The following MED13L variants were observed in gnomAD, a reference collection of about 807,000 sequenced individuals.
MED13L encodes mediator of RNA polymerase II transcription subunit 13-like.
MED13L carries 7 observed loss-of-function variants against 220.9 expected under a neutral mutation model. The observed-to-expected ratio is 0.03, with a 90% confidence interval of 0.02 to 0.06. The LOEUF (loss-of-function observed/expected upper bound fraction) is 0.06. Ranked by LOEUF, MED13L falls within the 10% of genes least tolerant of loss-of-function variation. The pLI is 1.00. For synonymous variants in MED13L, 1,011 were observed against 1,015.2 expected (o/e 1.00, Z 0.08); for missense variants, 1,965 against 2,760.5 (o/e 0.71, Z 6.46).
intron 1 of MED13L, chr12:116,276,532 G>A (rs1873852801): frequency 3.9e-6 from 5 of 1,280,874 alleles, no homozygotes; most frequent in South Asian, 1.3e-5. Flanking sequence ...TCGGGTGCAA[G>A]AGTCCTTTCC....
chr12:115,993,122 T>C (rs1878174013), intron 16 of MED13L, among the ~76,000 whole-genome samples: 1 of 152,172 alleles, frequency 6.6e-6, no homozygotes, highest in Non-Finnish European at 1.5e-5. Flanking sequence ...ACAGAGGGAT[T>C]TGTGTAAATT....
chr12:116,197,705 T>C (rs1368620832), intron 2 of MED13L, among the ~76,000 whole-genome samples: 2 of 151,454 alleles, frequency 1.3e-5, no homozygotes, highest in African/African-American at 4.9e-5. Context: ...TCGGAGGTTG[T>C]GGTGAGCAGA....
chr12:116,162,460 C>CTAA (rs1391268011), intron 2 of MED13L, among the ~76,000 whole-genome samples: 2 of 152,078 alleles, frequency 1.3e-5, no homozygotes, highest in African/African-American at 2.4e-5. Context: ...TGAGTATGGA[C>CTAA]TAATACAAGA....
At chr12:116,237,321 A>G in intron 2 of MED13L, 147 bp downstream of exon 2, 1 of 704,110 alleles carries the variant, frequency 1.4e-6, no homozygotes, top group Non-Finnish European at 2.4e-6. Flanking sequence ...TGGGAGGAAG[A>G]GGGGTGAGAA....
intron 2 of MED13L, among the ~76,000 whole-genome samples, chr12:116,207,897 G>A (rs780419210): frequency 2.6e-5 from 4 of 152,090 alleles, no homozygotes; most frequent in Non-Finnish European, 4.4e-5. Context: ...TAAATACTAT[G>A]CCCCAACTAA....
At chr12:116,172,528 A>G (rs1879756588) in intron 2 of MED13L, among the ~76,000 whole-genome samples, 1 of 152,206 alleles carries the variant, frequency 6.6e-6, no homozygotes, top group Non-Finnish European at 1.5e-5. Context: ...TATTTTATAC[A>G]GTTTAAGTCT....
chr12:116,020,002 A>G (rs759927212), intron 5 of MED13L, 30 bp from the exon 6 acceptor site: 22 of 1,582,540 alleles, frequency 1.4e-5, no homozygotes, highest in Middle Eastern at 1.7e-4. Flanking sequence ...TACATGCTAA[A>G]CATTAGAGAA....
rs759312266 is a variant in MED13L at position 116,096,740 on chromosome 12, A to C, written c.408T>G (p.Asp136Glu). 1 of 1,613,574 alleles carries C rather than the reference A, an allele frequency of 6.2e-7. No individual in the cohort carries two copies. The highest frequency in any genetic ancestry group is 1.1e-5 in the South Asian group (1 of 91,072). Residue 136 changes from aspartate to glutamate, a missense_variant, in exon 4 of 31, where the codon GAT (aspartate) becomes GAG (glutamate). Asp to Glu is a conservative substitution (Grantham distance 45, BLOSUM62 2). Transcript: ENST00000281928. ...IHNLLERCLM[D>E]KNFVRIGKWF... ...ATTTCCCAATCCTAACGAAGTTCTT[A>C]TCCATTAGGCACCTAAAATAATTAC...
chr12:116,277,022 CCCCGGCA>C, intron 1 of MED13L, 31 bp downstream of exon 1: 21 of 1,006,350 alleles, frequency 2.1e-5, no homozygotes, highest in Non-Finnish European at 3.0e-5. Context: ...CCCCCCCCTT[CCCCGGCA>C]CAGCCCCCTC....
intron 14 of MED13L, among the ~76,000 whole-genome samples, chr12:115,998,435 T>C (rs1302254439): frequency 6.6e-6 from 1 of 152,228 alleles, no homozygotes; most frequent in Non-Finnish European, 1.5e-5. Context: ...ACTGGGCAAC[T>C]GTACCGTGCT....
chr12:116,220,041 C>G (rs2138387561), intron 2 of MED13L, among the ~76,000 whole-genome samples: 2 of 152,214 alleles, frequency 1.3e-5, no homozygotes, highest in Middle Eastern at 6.8e-3. Flanking sequence ...GTGATCCACC[C>G]CGCCTCAGCC....
chr12:116,241,123 A>G (rs564605507), intron 1 of MED13L, among the ~76,000 whole-genome samples: 251 of 151,760 alleles, frequency 1.7e-3, no homozygotes, highest in Admixed American at 2.8e-3. Context: ...CCTGGCCAAC[A>G]TGGTGAAATC....
intron 30 of MED13L, among the ~76,000 whole-genome samples, chr12:115,962,368 A>T (rs918643049): frequency 1.3e-5 from 2 of 152,184 alleles, no homozygotes; most frequent in African/African-American, 4.8e-5. Context: ...TTGTGCCCCT[A>T]TGAGAATCTA....
intron 1 of MED13L, among the ~76,000 whole-genome samples, chr12:116,261,039 G>GAT (rs901884493): frequency 3.3e-5 from 5 of 151,964 alleles, no homozygotes; most frequent in Non-Finnish European, 7.4e-5. Flanking sequence ...AAACTTGCAT[G>GAT]AATCTTCCCC....
At chr12:115,966,627 AC>A (rs1478295764) in intron 28 of MED13L, among the ~76,000 whole-genome samples, 1 of 152,182 alleles carries the variant, frequency 6.6e-6, no homozygotes, top group African/African-American at 2.4e-5. Flanking sequence ...ACACAAGCGC[AC>A]CAGCCTGACC....
At position 116,007,249 on chromosome 12, in the gene MED13L, A is replaced by G. The variant is rs149764058; in HGVS notation, c.2238+162T>C. 1.8e-4 allele frequency: 126 copies of G among 708,050 alleles called. 2 individuals are homozygous for G. The Admixed American group carries it at 2.6e-3, about 15-fold the overall frequency. The allele number at this position is 708,050 out of a possible 1,614,324, so 43.9% of individuals were successfully genotyped here. On this transcript the variant is annotated intron_variant, in intron 11 of 30. Coordinates refer to ENST00000281928, the MANE Select transcript of MED13L (RefSeq NM_015335.5). The stretch of plus-strand genomic sequence containing the variant: ...GGTGAGCCATGACATAAAAAGGAAC[A>G]ATACGCTGTTCAATACAATAGTACC...
intron 2 of MED13L, among the ~76,000 whole-genome samples, chr12:116,166,087 G>C (rs1879247392): frequency 6.6e-6 from 1 of 152,182 alleles, no homozygotes; most frequent in South Asian, 2.1e-4. Context: ...TTTCTGGTCA[G>C]GCGCAGTGGC....
chr12:115,986,379 A>G lies in MED13L; in HGVS notation c.4225T>C (p.Leu1409=). The G allele has an allele frequency of 6.2e-7, 1 of 1,614,166 alleles. No homozygotes were observed. The highest frequency in any genetic ancestry group is 8.5e-7 in the Non-Finnish European group (1 of 1,180,010). ...FSLPFWERLL[L]DPYGGHRDVA... is the part of the protein sequence containing the mutation. ...TCACGGTGGCCCCCATATGGGTCCAACAAGAGCCTCTCCCAAAACGGCAAG... is the reference window on the plus strand; with the variant it reads ...TCACGGTGGCCCCCATATGGGTCCAGCAAGAGCCTCTCCCAAAACGGCAAG... Residue 1409 remains leucine (L), a synonymous_variant, in exon 19 of 31, where the codon TTG becomes CTG. Transcript: ENST00000281928.
In MED13L at chr12:115,991,146, CATT is replaced by C. The variant is rs1186830267; in HGVS notation, c.3805_3807del (p.Asn1269del). ...GCATTAAAGCATTCCGTCCAGTAAT[CATT>C]ATTATCTGCTTGCACCCGGTCATAA... On this transcript the variant is annotated inframe_deletion, in exon 17 of 31. Transcript: ENST00000281928. This position sits in a 1 kb window ranked among gnomAD's most constrained non-coding sequence, Gnocchi z 7.7. 6.2e-7 allele frequency: 1 copy of C among 1,614,156 alleles called. No homozygotes were observed. The highest frequency in any genetic ancestry group is 1.1e-5 in the South Asian group (1 of 91,080).
Sources: gnomAD v4.1 joint callset for allele counts (sites outside exome capture counted in the v4.1 genomes callset) on GRCh38, gnomAD v4.1.1 for gene constraint, Gnocchi (gnomAD v3.1) non-coding constraint, MANE v1.5 for transcripts, NCBI Gene and HGNC (gene_info 2026-07-23, HGNC 2026-07-21) for gene names.